Variants in MAP2K5 observed in about 807,000 individuals in gnomAD.
The protein encoded by MAP2K5 is dual specificity mitogen-activated protein kinase kinase 5.
A neutral mutation model predicts 83.1 loss-of-function variants in MAP2K5; 49 were observed. The observed-to-expected ratio is 0.59, with a 90% CI of 0.47 to 0.75. The LOEUF is 0.75. Ranked by LOEUF, MAP2K5 falls within the 30% of genes least tolerant of loss-of-function variation. MAP2K5 has a pLI of 0.00. For missense variants in MAP2K5, 457 were observed against 557.5 expected, an observed-to-expected ratio of 0.82 and a Z score of 1.82; for synonymous variants, 202 against 191.8, an observed-to-expected ratio of 1.05 and a Z score of -0.44.
At chr15:67,575,036 A>G (rs56700149) in intron 3 of MAP2K5, among the ~76,000 whole-genome samples, 22,133 of 152,070 alleles carry the variant, frequency 0.15, 2,060 homozygotes, top group African/African-American at 0.25. Flanking sequence ...AGACAGGTCT[A>G]GGGTCTGATA....
chr15:67,694,248 A>G (rs1005090240), intron 15 of MAP2K5, among the ~76,000 whole-genome samples: 24 of 152,168 alleles, frequency 1.6e-4, no homozygotes, highest in African/African-American at 5.3e-4. Context: ...TTGAGAGTCA[A>G]AGGGAAAAAA....
At chr15:67,618,105 C>A (rs1002629457) in intron 8 of MAP2K5, among the ~76,000 whole-genome samples, 12 of 152,186 alleles carry the variant, frequency 7.9e-5, no homozygotes, top group Non-Finnish European at 1.6e-4. Context: ...ACACCTCTAA[C>A]CTTTTATGTA....
rs933561049 is a variant in MAP2K5, at chr15:67,677,311, A to G, written c.847+12666A>G. Among the ~76,000 whole-genome samples, 1 of 152,188 alleles carries G rather than the reference A, an allele frequency of 6.6e-6. No homozygotes were observed. Among genetic ancestry groups the G allele is most frequent in the Non-Finnish European group, 1.5e-5 (1 of 68,032 alleles). The stretch of plus-strand genomic sequence containing the variant: ...AGTAATTTCATTAATTTGAACCTCA[A>G]TTTCCTCCTCTGTAAAATGGGGTTA... On this transcript the variant is annotated intron_variant, in intron 13 of 21. Coordinates refer to ENST00000178640, the MANE Select transcript of MAP2K5 (RefSeq NM_145160.3). The surrounding 1 kb of genome is among the most constrained non-coding windows in gnomAD (Gnocchi z 4.2).
In MAP2K5 at chr15:67,750,021, A is replaced by G. The variant is rs1314969349; in HGVS notation, c.1134+1420A>G. ...CAATACTATGTGTGTTTCTCATTTG[A>G]ATGTTTTCTGCATCAAATAGATATT... is the stretch of plus-strand genomic sequence containing the variant. On this transcript the variant is annotated intron_variant, in intron 19 of 21. Coordinates refer to ENST00000178640, the MANE Select transcript of MAP2K5 (RefSeq NM_145160.3). This position sits in a 1 kb window ranked among gnomAD's most constrained non-coding sequence, Gnocchi z 4.2. Among the ~76,000 whole-genome samples the G allele has an allele frequency of 6.6e-6, 1 of 152,188 alleles. No homozygotes were observed. The highest frequency in any genetic ancestry group is 1.5e-5 in the Non-Finnish European group (1 of 68,016).
Position 67,563,382 on chromosome 15 carries a change from A to G in MAP2K5, c.252+32A>G. On this transcript the variant is annotated intron_variant, in intron 3 of 21. Transcript: ENST00000178640. The surrounding 1 kb of genome is among the most constrained non-coding windows in gnomAD (Gnocchi z 4.5). ...ATACGACAAATGAAGACTATTTTTT[A>G]AAATCTTAACGTGATTGAGGATGCT... 1 of 1,596,778 alleles carries G rather than the reference A, an allele frequency of 6.3e-7. No homozygotes were observed. The highest frequency in any genetic ancestry group is 8.5e-7 in the Non-Finnish European group (1 of 1,173,090).
intron 16 of MAP2K5, among the ~76,000 whole-genome samples, chr15:67,713,399 CAT>C (rs1327678074): frequency 2.6e-5 from 4 of 152,156 alleles, no homozygotes; most frequent in African/African-American, 9.7e-5. Flanking sequence ...TAAGTAAACA[CAT>C]AAACCATGTA....
intron 8 of MAP2K5, among the ~76,000 whole-genome samples, chr15:67,604,025 G>A (rs914166336): frequency 1.3e-5 from 2 of 152,200 alleles, no homozygotes; most frequent in Admixed American, 6.5e-5. Flanking sequence ...AATTTCAAGG[G>A]ATATTATAAT....
In MAP2K5 at chr15:67,718,444, G is replaced by A. The variant is rs527583539; in HGVS notation, c.1045-9472G>A. 3.3e-5 allele frequency among the ~76,000 whole-genome samples: 5 copies of A among 152,206 alleles called. No homozygotes were observed. In the South Asian group the frequency reaches 8.3e-4, roughly 25 times the overall value. On this transcript the variant is annotated intron_variant, in intron 16 of 21. Coordinates refer to ENST00000178640, the MANE Select transcript of MAP2K5 (RefSeq NM_145160.3). ...GTAAACACGTGAGATGGGGTTTGGG[G>A]CAGTTAACTCTAATCATTTTTAAAA...
chr15:67,723,785 T>G (rs2089025492), intron 16 of MAP2K5, among the ~76,000 whole-genome samples: 1 of 152,196 alleles, frequency 6.6e-6, no homozygotes. Context: ...GCTGCCTATA[T>G]TACATGCTTC....
chr15:67,799,132 G>A (rs1054244555), intron 21 of MAP2K5, among the ~76,000 whole-genome samples: 1 of 152,368 alleles, frequency 6.6e-6, no homozygotes, highest in African/African-American at 2.4e-5. Flanking sequence ...TCGCGCCACT[G>A]CCCTCCAGCC....
intron 21 of MAP2K5, among the ~76,000 whole-genome samples, chr15:67,789,075 AT>A (rs2090468864): frequency 6.6e-6 from 1 of 151,896 alleles, no homozygotes; most frequent in Non-Finnish European, 1.5e-5. Flanking sequence ...AGAGATAAGC[AT>A]TGTTAATAGT....
rs777413579 is a variant in MAP2K5 at position 67,775,747 on chromosome 15, A to G, written c.1242+2995A>G. Among the ~76,000 whole-genome samples, 1 of 152,192 alleles carries G rather than the reference A, an allele frequency of 6.6e-6. No individual in the cohort carries two copies. Among genetic ancestry groups the G allele is most frequent in the Non-Finnish European group, 1.5e-5 (1 of 68,028 alleles). On this transcript the variant is annotated intron_variant, in intron 21 of 21. Coordinates refer to ENST00000178640, the MANE Select transcript of MAP2K5 (RefSeq NM_145160.3). This position sits in a 1 kb window ranked among gnomAD's most constrained non-coding sequence, Gnocchi z 5.3. ...AAAAGGGCCTTTGGAGGATGAAGTG[A>G]ATTTTAATAGAGAGCTTTGAAGGGG...
chr15:67,738,439 G>A lies in MAP2K5; in HGVS notation c.1075-9792G>A, dbSNP rs1419601647. Among the ~76,000 whole-genome samples the A allele has an allele frequency of 1.3e-5, 2 of 152,242 alleles. No individual in the cohort carries two copies. Among genetic ancestry groups the A allele is most frequent in the African/African-American group, 4.8e-5 (2 of 41,458 alleles). The stretch of plus-strand genomic sequence containing the variant: ...TGGAAACACTCAGTGATTCAGGGTA[G>A]AGGGCATAGGAGGCAGCAAATGACA... On this transcript the variant is annotated intron_variant, in intron 17 of 21. Coordinates refer to ENST00000178640, the MANE Select transcript of MAP2K5 (RefSeq NM_145160.3). The surrounding 1 kb of genome is among the most constrained non-coding windows in gnomAD (Gnocchi z 4.1).
intron 1 of MAP2K5, among the ~76,000 whole-genome samples, chr15:67,547,333 A>T (rs2084412363): frequency 6.6e-6 from 1 of 152,140 alleles, no homozygotes; most frequent in Non-Finnish European, 1.5e-5. Context: ...TGCTCGTGGC[A>T]TGTTGTAGAT....
chr15:67,797,899 TCTCGAACTCCTGAG>T (rs1466071099), intron 21 of MAP2K5, among the ~76,000 whole-genome samples: 8 of 152,304 alleles, frequency 5.3e-5, no homozygotes, highest in African/African-American at 1.9e-4. Context: ...GTCAGGCTGG[TCTCGAACTCCTGAG>T]CTCAGGTGAT....
At chr15:67,688,480 A>G (rs1033125624) in intron 13 of MAP2K5, among the ~76,000 whole-genome samples, 1 of 152,200 alleles carries the variant, frequency 6.6e-6, no homozygotes, top group East Asian at 1.9e-4. Context: ...TAAACATCAC[A>G]TTGGTTTTAC....
intron 16 of MAP2K5, among the ~76,000 whole-genome samples, chr15:67,709,169 A>G (rs1369637708): frequency 6.6e-6 from 1 of 152,232 alleles, no homozygotes; most frequent in African/African-American, 2.4e-5. Flanking sequence ...TTATGGAATC[A>G]TTAAAGGTCA....
In MAP2K5 at chr15:67,749,585, A is replaced by AAC. The variant is rs1376762627; in HGVS notation, c.1134+996_1134+997dup. On this transcript the variant is annotated intron_variant, in intron 19 of 21. Transcript: ENST00000178640. This position sits in a 1 kb window ranked among gnomAD's most constrained non-coding sequence, Gnocchi z 4.6. The stretch of plus-strand genomic sequence containing the variant: ...TAAAGATCCTCCTAGGAAAAAAATA[A>AAC]ACACACACACACATATCACAATAAT... Among the ~76,000 whole-genome samples the AAC allele has an allele frequency of 6.6e-6, 1 of 152,080 alleles. No homozygotes were observed. The highest frequency in any genetic ancestry group is 6.6e-5 in the Admixed American group (1 of 15,256).
At chr15:67,784,989 G>A (rs986456269) in intron 21 of MAP2K5, among the ~76,000 whole-genome samples, 6 of 152,182 alleles carry the variant, frequency 3.9e-5, no homozygotes, top group Non-Finnish European at 7.3e-5. Context: ...ACCTAGGCTG[G>A]AGTGCAGTGA....
Sources: gnomAD v4.1 joint callset for allele counts (sites outside exome capture counted in the v4.1 genomes callset) on GRCh38, gnomAD v4.1.1 for gene constraint, Gnocchi (gnomAD v3.1) non-coding constraint, MANE v1.5 for transcripts, NCBI Gene and HGNC (gene_info 2026-07-23, HGNC 2026-07-21) for gene names.